The following HMGCLL1 variants were observed in gnomAD, a reference collection of about 807,000 sequenced individuals.
The protein encoded by HMGCLL1 is 3-hydroxymethyl-3-methylglutaryl-CoA lyase, cytoplasmic.
HMGCLL1 carries 36 observed loss-of-function variants against 39.1 expected under a neutral mutation model. That is an observed-to-expected ratio of 0.92 (90% CI 0.71 to 1.22). The LOEUF is 1.22. HMGCLL1 is among the 50% of genes most tolerant of loss of function. The probability of loss-of-function intolerance (pLI) is 0.00; values close to 1 mark genes in which losing one functional copy is unlikely to be tolerated. For missense variants in HMGCLL1, 451 were observed against 416.5 expected (o/e 1.08, Z -0.72); for synonymous variants, 149 against 144.0 (o/e 1.03, Z -0.25).
At chr6:55,583,148 T>C (rs1277352355), upstream of HMGCLL1, among the ~76,000 whole-genome samples, 6 of 152,198 alleles carry the variant, frequency 3.9e-5, no homozygotes, top group Admixed American at 3.9e-4. Flanking sequence ...GCATGCTTGG[T>C]AATTTGCTTA....
intron 7 of HMGCLL1, 182 bp from the exon 8 acceptor site, chr6:55,439,741 C>T (rs911825888): frequency 2.1e-6 from 1 of 467,766 alleles, no homozygotes; most frequent in South Asian, 5.1e-5. Flanking sequence ...TGTCTAATCT[C>T]GTCTTTGAGG....
chr6:55,500,973 C>A (rs1766850929), intron 5 of HMGCLL1, among the ~76,000 whole-genome samples: 1 of 151,690 alleles, frequency 6.6e-6, no homozygotes, highest in East Asian at 1.9e-4. Flanking sequence ...ACAAAACAAA[C>A]CTCTCCTGCA....
At position 55,495,248 on chromosome 6, in the gene HMGCLL1, A is replaced by T. The variant is rs186137246; in HGVS notation, c.795+171T>A. ...TAAGAGATCTTCATTGCCCTAAAAA[A>T]ATGTGAAATTGACAAATATTTCCCA... is the stretch of plus-strand genomic sequence containing the variant. On this transcript the variant is annotated intron_variant, in intron 7 of 8. Transcript: ENST00000274901. 2.1e-3 allele frequency among the ~76,000 whole-genome samples: 318 copies of T among 152,354 alleles called. 2 individuals are homozygous for T. The highest frequency in any genetic ancestry group is 7.4e-3 in the African/African-American group (308 of 41,578).
At chr6:55,674,161 C>T in the HMGCLL1 span, among the ~76,000 whole-genome samples, 1 of 151,764 alleles carries the variant, frequency 6.6e-6, no homozygotes, top group African/African-American at 2.4e-5. Flanking sequence ...CTCTAGATGC[C>T]ATTATCTTTT....
chr6:55,624,526 C>A, the HMGCLL1 span, among the ~76,000 whole-genome samples: 1 of 152,100 alleles, frequency 6.6e-6, no homozygotes, highest in African/African-American at 2.4e-5. Context: ...GCTTTTTGTC[C>A]TAATCTTATT....
the HMGCLL1 span, among the ~76,000 whole-genome samples, chr6:55,600,176 A>C: frequency 1.4e-5 from 2 of 146,092 alleles, no homozygotes; most frequent in African/African-American, 2.8e-5. Context: ...TTCACTTCTG[A>C]AAAAAAGGCC....
chr6:55,581,003 ATAATTT>A (rs989924430), upstream of HMGCLL1, among the ~76,000 whole-genome samples: 8 of 152,354 alleles, frequency 5.3e-5, no homozygotes, highest in East Asian at 1.5e-3. Context: ...ATATTTAAAA[ATAATTT>A]TAAAAGATCC....
intron 5 of HMGCLL1, among the ~76,000 whole-genome samples, chr6:55,503,976 C>G (rs555242918): frequency 6.6e-6 from 1 of 151,770 alleles, no homozygotes; most frequent in South Asian, 2.1e-4. Context: ...ACTTCAATTT[C>G]TAATGTCAAA....
chr6:55,585,303 A>G, the HMGCLL1 span, among the ~76,000 whole-genome samples: 1 of 152,148 alleles, frequency 6.6e-6, no homozygotes, highest in Non-Finnish European at 1.5e-5. Context: ...ATCCAAAAGC[A>G]TTAGCTTTGC....
At chr6:55,515,894 T>G (rs932681277) in intron 4 of HMGCLL1, among the ~76,000 whole-genome samples, 1 of 152,088 alleles carries the variant, frequency 6.6e-6, no homozygotes, top group Non-Finnish European at 1.5e-5. Context: ...ATACCAGAAA[T>G]AGCTGCTGCA....
chr6:55,527,561 G>A (rs1768388527), intron 3 of HMGCLL1, among the ~76,000 whole-genome samples: 1 of 152,014 alleles, frequency 6.6e-6, no homozygotes, highest in South Asian at 2.1e-4. Flanking sequence ...AATTTAGGAG[G>A]GGGCCTCCTT....
At chr6:55,665,095 C>G in the HMGCLL1 span, among the ~76,000 whole-genome samples, 2 of 151,720 alleles carry the variant, frequency 1.3e-5, no homozygotes, top group African/African-American at 4.8e-5. Flanking sequence ...AGTACAATTA[C>G]TAGGGAATAG....
chr6:55,608,200 T>A, the HMGCLL1 span, among the ~76,000 whole-genome samples: 1 of 152,216 alleles, frequency 6.6e-6, no homozygotes, highest in African/African-American at 2.4e-5. Flanking sequence ...CTTTTTCTGA[T>A]CTTCCTTCAA....
chr6:55,606,088 T>C, the HMGCLL1 span, among the ~76,000 whole-genome samples: 2 of 152,150 alleles, frequency 1.3e-5, no homozygotes, highest in African/African-American at 4.8e-5. Flanking sequence ...TGTACTTCTA[T>C]TACTACTTTT....
At chr6:55,458,024 G>C (rs566607357) in intron 7 of HMGCLL1, among the ~76,000 whole-genome samples, 1 of 152,152 alleles carries the variant, frequency 6.6e-6, no homozygotes, top group Admixed American at 6.6e-5. Context: ...TAGAAGTGGG[G>C]TGTATTTTGA....
At chr6:55,635,038 C>T in the HMGCLL1 span, among the ~76,000 whole-genome samples, 1 of 151,872 alleles carries the variant, frequency 6.6e-6, no homozygotes, top group Admixed American at 6.6e-5. Context: ...TGCCTATAAA[C>T]TGAAAATAAA....
intron 7 of HMGCLL1, among the ~76,000 whole-genome samples, chr6:55,462,052 T>A (rs1220036049): frequency 6.6e-6 from 1 of 152,106 alleles, no homozygotes; most frequent in Non-Finnish European, 1.5e-5. Context: ...TTCCAGACCA[T>A]CAGATATGCC....
intron 3 of HMGCLL1, among the ~76,000 whole-genome samples, chr6:55,531,874 T>C (rs527727241): frequency 2.2e-4 from 34 of 152,296 alleles, no homozygotes; most frequent in African/African-American, 6.5e-4. Flanking sequence ...TGGGACTGTC[T>C]AGTTGCAGGA....
chr6:55,441,906 G>A (rs1343931266), intron 7 of HMGCLL1, among the ~76,000 whole-genome samples: 1 of 151,912 alleles, frequency 6.6e-6, no homozygotes, highest in East Asian at 1.9e-4. Flanking sequence ...GGCCAGGCTG[G>A]CCTCAAACTC....
Sources: allele counts gnomAD v4.1 joint callset (sites outside exome capture counted in the v4.1 genomes callset), GRCh38; gene constraint gnomAD v4.1.1; transcripts MANE v1.5; gene names NCBI Gene and HGNC (gene_info 2026-07-23, HGNC 2026-07-21).